The following FNIP1 variants were observed in gnomAD, a reference collection of about 807,000 sequenced individuals.
The protein encoded by FNIP1 is folliculin-interacting protein 1.
A neutral mutation model predicts 124.5 loss-of-function variants in FNIP1; 40 were observed. The observed-to-expected ratio is 0.32, with a 90% CI of 0.25 to 0.42. The LOEUF (loss-of-function observed/expected upper bound fraction) is 0.42, where lower values mean the gene tolerates loss of function less well. FNIP1 is among the 10% of genes least tolerant of loss of function. The pLI, the probability that FNIP1 is intolerant of heterozygous loss-of-function variation, is 1.00. For missense variants in FNIP1, 1,176 were observed against 1,403.7 expected, an observed-to-expected ratio of 0.84 and a Z score of 2.59; for synonymous variants, 472 against 470.6, an observed-to-expected ratio of 1.00 and a Z score of -0.04.
chr5:131,791,371 G>A (rs2149591140), intron 1 of FNIP1, among the ~76,000 whole-genome samples: 1 of 152,254 alleles, frequency 6.6e-6, no homozygotes, highest in African/African-American at 2.4e-5. Context: ...GATACCACCT[G>A]AAATCACTAC....
At chr5:131,721,237 A>G (rs1484936570) in intron 3 of FNIP1, among the ~76,000 whole-genome samples, 1 of 152,244 alleles carries the variant, frequency 6.6e-6, no homozygotes, top group Non-Finnish European at 1.5e-5. Context: ...CAAAGAGATA[A>G]ATACTGCATG....
At chr5:131,731,163 C>G in intron 2 of FNIP1, 125 bp from the exon 3 acceptor site, 1 of 784,122 alleles carries the variant, frequency 1.3e-6, no homozygotes, top group African/African-American at 1.8e-5. Flanking sequence ...ATTAATATGG[C>G]TATTGGCATT....
rs753956386 is a variant in FNIP1, at chr5:131,672,572, G to A, written c.1872C>T (p.Asn624=). ...TATCTTCTCTCTCTTGTTGTGAAATGTTCTCTACATTTTGCCCAAGGAGTG... is the reference window on the plus strand; with the variant it reads ...TATCTTCTCTCTCTTGTTGTGAAATATTCTCTACATTTTGCCCAAGGAGTG... ...SHPLLGQNVE[N]ISQQEREDIQ... The change falls in exon 14 of 18, where the codon AAC becomes AAT. Residue 624 remains asparagine, a synonymous_variant. Transcript: ENST00000510461. 12 of 1,613,934 alleles carry A rather than the reference G, an allele frequency of 7.4e-6. No homozygotes were observed. Among genetic ancestry groups the A allele is most frequent in the Non-Finnish European group, 1.0e-5 (12 of 1,180,020 alleles).
At chr5:131,727,219 CGTTGATCA>C (rs892111255) in intron 3 of FNIP1, among the ~76,000 whole-genome samples, 1 of 152,082 alleles carries the variant, frequency 6.6e-6, no homozygotes, top group Non-Finnish European at 1.5e-5. Context: ...TTTTCTGTCT[CGTTGATCA>C]GTCTAATATT....
chr5:131,765,630 T>C (rs1771394493), intron 1 of FNIP1, among the ~76,000 whole-genome samples: 2 of 152,266 alleles, frequency 1.3e-5, no homozygotes, highest in African/African-American at 2.4e-5. Flanking sequence ...TCCTTTCTTC[T>C]ATTCTGATGT....
chr5:131,746,392 C>G (rs1244884933), intron 1 of FNIP1, among the ~76,000 whole-genome samples: 1 of 152,082 alleles, frequency 6.6e-6, no homozygotes, highest in African/African-American at 2.4e-5. Context: ...GCATACAACC[C>G]AACTATTAAG....
At chr5:131,782,258 C>A (rs1320466595) in intron 1 of FNIP1, among the ~76,000 whole-genome samples, 1 of 151,956 alleles carries the variant, frequency 6.6e-6, no homozygotes, top group African/African-American at 2.4e-5. Flanking sequence ...AAATTGAAAA[C>A]CTTCTGGAGG....
intron 12 of FNIP1, among the ~76,000 whole-genome samples, chr5:131,678,235 T>C (rs1415362812): frequency 6.6e-6 from 1 of 152,174 alleles, no homozygotes; most frequent in African/African-American, 2.4e-5. Context: ...TCCAAATTAC[T>C]GAATGGGAAA....
intron 1 of FNIP1, among the ~76,000 whole-genome samples, chr5:131,791,727 A>C (rs958914193): frequency 6.6e-6 from 1 of 152,270 alleles, no homozygotes. Flanking sequence ...CAGACTCTTA[A>C]GACTGATTCA....
rs777260621 is a variant in FNIP1 at position 131,716,555 on chromosome 5, A to G, written c.622+10T>C. ...TTTTTTAAACTTATAAAATCAAAGGAACCATTTACCTATATTTCCAAGCAG... is the reference window on the plus strand; with the variant it reads ...TTTTTTAAACTTATAAAATCAAAGGGACCATTTACCTATATTTCCAAGCAG... On this transcript the variant is annotated intron_variant, in intron 6 of 17. Transcript: ENST00000510461. 2.6e-6 allele frequency: 4 copies of G among 1,553,750 alleles called. No homozygotes were observed. The highest frequency in any genetic ancestry group is 3.7e-5 in the Admixed American group (2 of 54,600).
chr5:131,764,275 C>T (rs1002337005), intron 1 of FNIP1, among the ~76,000 whole-genome samples: 3 of 148,032 alleles, frequency 2.0e-5, no homozygotes, highest in Non-Finnish European at 3.0e-5. Context: ...TCAGGTATTT[C>T]TTTATAGCAA....
At chr5:131,694,626 T>G (rs1768626741) in intron 11 of FNIP1, among the ~76,000 whole-genome samples, 1 of 152,082 alleles carries the variant, frequency 6.6e-6, no homozygotes, top group Non-Finnish European at 1.5e-5. Flanking sequence ...GCACAGGGGA[T>G]TTTTAGGGCG....
intron 6 of FNIP1, among the ~76,000 whole-genome samples, chr5:131,715,770 A>C (rs1769448099): frequency 6.6e-6 from 1 of 152,142 alleles, no homozygotes; most frequent in Non-Finnish European, 1.5e-5. Flanking sequence ...ACAAATTATA[A>C]AAAATAAATA....
chr5:131,740,506 T>C (rs1180274056), intron 2 of FNIP1, among the ~76,000 whole-genome samples: 1 of 152,238 alleles, frequency 6.6e-6, no homozygotes, highest in Non-Finnish European at 1.5e-5. Flanking sequence ...GTCATATAAC[T>C]TAACTGGGAA....
chr5:131,775,354 A>G (rs563097552), intron 1 of FNIP1, among the ~76,000 whole-genome samples: 2 of 152,210 alleles, frequency 1.3e-5, no homozygotes, highest in Non-Finnish European at 2.9e-5. Context: ...ACATGTAAAC[A>G]TTTATCAGTA....
Position 131,679,170 on chromosome 5 carries a change from G to T in FNIP1, c.1208C>A (p.Thr403Lys). 1 of 1,568,178 alleles carries T rather than the reference G, an allele frequency of 6.4e-7. No homozygotes were observed. The highest frequency in any genetic ancestry group is 1.1e-5 in the South Asian group (1 of 88,882). Reference protein sequence around the residue: ...IVDALNEFRTTICNLYTMPRI... With the variant: ...IVDALNEFRTKICNLYTMPRI... ...TGGCATCGTGTAAAGATTACAAATT[G>T]TTGTTCTAAAAAGAGGAAGACACAT... The change falls in exon 12 of 18, where the codon ACA becomes AAA. Residue 403 changes from threonine (T) to lysine (K), a missense_variant. Physicochemically the swap from Thr to Lys is moderately conservative, Grantham distance 78. This residue lies in a region of FNIP1 where 1,109 missense variants were observed against 1,288.5 expected (regional missense o/e 0.86). Transcript: ENST00000510461.
chr5:131,796,597 C>T (rs1322321004), intron 1 of FNIP1: 1 of 558,388 alleles, frequency 1.8e-6, no homozygotes, highest in Admixed American at 3.2e-5. Flanking sequence ...GTAAACAAAC[C>T]GACGGGAGGA....
At chr5:131,758,725 C>A (rs2149570621) in intron 1 of FNIP1, among the ~76,000 whole-genome samples, 2 of 152,220 alleles carry the variant, frequency 1.3e-5, no homozygotes, top group East Asian at 3.9e-4. Context: ...AATAAACATG[C>A]TGGAATAGAC....
intron 5 of FNIP1, among the ~76,000 whole-genome samples, chr5:131,717,099 T>C (rs1030138809): frequency 3.3e-5 from 5 of 152,086 alleles, no homozygotes; most frequent in African/African-American, 1.2e-4. Context: ...TAACTTGTCA[T>C]TTACATTAGG....
Sources: gnomAD v4.1 joint callset for allele counts (sites outside exome capture counted in the v4.1 genomes callset) on GRCh38, gnomAD v4.1.1 for gene constraint, gnomAD v4.1.1 regional missense constraint, MANE v1.5 for transcripts, NCBI Gene and HGNC (gene_info 2026-07-23, HGNC 2026-07-21) for gene names.